Variants in TANC2 observed in about 807,000 individuals in gnomAD.
TANC2 encodes the protein tetratricopeptide repeat, ankyrin repeat and coiled-coil containing 2, also known as protein TANC2.
TANC2 carries 26 observed loss-of-function variants against 210.5 expected under a neutral mutation model. The ratio of observed to expected loss-of-function variants is 0.12; its 90% CI spans 0.09 to 0.17. The LOEUF is 0.17. TANC2 is among the 10% of genes least tolerant of loss of function. The probability of loss-of-function intolerance (pLI) is 1.00; values close to 1 mark genes in which losing one functional copy is unlikely to be tolerated. For missense variants in TANC2, 2,129 were observed against 2,608.9 expected (o/e 0.82, Z 4.01); for synonymous variants, 931 against 967.1 (o/e 0.96, Z 0.69).
In TANC2 at chr17:62,972,047, T is replaced by C. The variant is rs1568285468; in HGVS notation, c.-24+5298T>C. 2.0e-5 allele frequency among the ~76,000 whole-genome samples: 3 copies of C among 152,206 alleles called. No homozygotes were observed. The South Asian group carries it at 6.2e-4, about 32-fold the overall frequency. ...GAACAGGAACTTTGGGTCTGAGTTT[T>C]AGAAGGCTAAAGCAGGTTACGCAAT... On this transcript the variant is annotated intron_variant, in intron 1 of 27. Transcript: ENST00000689528.
chr17:63,061,833 C>T (rs1369560242), intron 2 of TANC2, among the ~76,000 whole-genome samples: 2 of 151,976 alleles, frequency 1.3e-5, no homozygotes, highest in Non-Finnish European at 2.9e-5. Context: ...AAAAACTTTC[C>T]TCCCTTTAAC....
chr17:62,970,163 G>A (rs950121087), intron 1 of TANC2, among the ~76,000 whole-genome samples: 1 of 152,046 alleles, frequency 6.6e-6, no homozygotes, highest in African/African-American at 2.4e-5. Context: ...TCCTTATTGT[G>A]CTGCGAATTG....
chr17:63,018,122 T>C (rs1317890061), intron 2 of TANC2, among the ~76,000 whole-genome samples: 1 of 151,986 alleles, frequency 6.6e-6, no homozygotes, highest in Non-Finnish European at 1.5e-5. Context: ...AGCAAGACCC[T>C]GTCTATGAAA....
At chr17:63,119,141 A>G (rs1259107791) in intron 4 of TANC2, among the ~76,000 whole-genome samples, 1 of 152,030 alleles carries the variant, frequency 6.6e-6, no homozygotes, top group African/African-American at 2.4e-5. Flanking sequence ...GCCTAGGCTG[A>G]TCTCAAACTT....
intron 4 of TANC2, among the ~76,000 whole-genome samples, chr17:63,106,654 G>A (rs2037835572): frequency 6.6e-6 from 1 of 151,670 alleles, no homozygotes; most frequent in South Asian, 2.1e-4. Context: ...TAAGGGGTGA[G>A]CCTTTGCCAC....
At chr17:63,222,654 AC>A (rs1166432193) in intron 7 of TANC2, among the ~76,000 whole-genome samples, 7 of 152,270 alleles carry the variant, frequency 4.6e-5, no homozygotes, top group African/African-American at 1.7e-4. Context: ...ATTTGTCAAA[AC>A]TGCATTTTTT....
At chr17:63,394,958 T>C (rs2048106330) in intron 17 of TANC2, among the ~76,000 whole-genome samples, 1 of 152,208 alleles carries the variant, frequency 6.6e-6, no homozygotes, top group African/African-American at 2.4e-5. Context: ...TGGATGGAAC[T>C]GAAATCAGTA....
intron 4 of TANC2, 36 bp from the exon 5 acceptor site, chr17:63,151,234 G>T: frequency 5.5e-6 from 5 of 910,686 alleles, no homozygotes; most frequent in Non-Finnish European, 6.6e-6. Flanking sequence ...TGCTCTCTCT[G>T]TCTCTTGCTT....
intron 9 of TANC2, among the ~76,000 whole-genome samples, chr17:63,285,786 T>C (rs1482710061): frequency 6.6e-6 from 1 of 152,164 alleles, no homozygotes; most frequent in Non-Finnish European, 1.5e-5. Flanking sequence ...TATTGGCGTG[T>C]GGTCATACAG....
Position 63,418,486 on chromosome 17 carries a change from G to A in TANC2, c.4268+79G>A. The A allele has an allele frequency of 7.8e-7, 1 of 1,277,988 alleles. No individual in the cohort carries two copies. The allele number at this position is 1,277,988 out of a possible 1,614,324, so 79.2% of individuals were successfully genotyped here. ...CCAAGGCAGCGTCGGCCACCCTGGG[G>A]CATATGTACCCAAATACATCTCTGT... is the stretch of plus-strand genomic sequence containing the variant. On this transcript the variant is annotated intron_variant, in intron 27 of 27. Coordinates refer to ENST00000689528, the Ensembl canonical transcript of TANC2. The surrounding 1 kb of genome is among the most constrained non-coding windows in gnomAD (Gnocchi z 4.6).
rs150765717 is a variant in TANC2, at chr17:63,162,271, T to C, written c.433+10891T>C. 2.3e-3 allele frequency among the ~76,000 whole-genome samples: 354 copies of C among 151,002 alleles called. 2 individuals are homozygous for C. The highest frequency in any genetic ancestry group is 8.3e-3 in the African/African-American group (338 of 40,946). ...GTGAAGTATGATTGTGTCACTGCAT[T>C]ACAGCCTGGGTGAAGAACAAGACCC... On this transcript the variant is annotated intron_variant, in intron 5 of 27. Transcript: ENST00000689528.
At chr17:63,180,593 C>T (rs2040747251) in intron 5 of TANC2, among the ~76,000 whole-genome samples, 1 of 152,152 alleles carries the variant, frequency 6.6e-6, no homozygotes, top group South Asian at 2.1e-4. Flanking sequence ...AATCCATTAC[C>T]CTCAATGCAA....
At chr17:63,314,101 T>A (rs2045226842) in intron 9 of TANC2, among the ~76,000 whole-genome samples, 1 of 152,244 alleles carries the variant, frequency 6.6e-6, no homozygotes, top group Non-Finnish European at 1.5e-5. Flanking sequence ...GGGCCATCCC[T>A]TCCCTGTAAT....
intron 1 of TANC2, among the ~76,000 whole-genome samples, chr17:62,994,218 G>T (rs530357641): frequency 6.6e-6 from 1 of 151,740 alleles, no homozygotes; most frequent in South Asian, 2.1e-4. Context: ...CTGCCACCCA[G>T]GCTGGAGTGC....
intron 5 of TANC2, among the ~76,000 whole-genome samples, chr17:63,173,371 A>G (rs775737739): frequency 1.3e-5 from 2 of 152,212 alleles, no homozygotes; most frequent in Non-Finnish European, 2.9e-5. Flanking sequence ...AGACAGTCCA[A>G]GAAGATAACA....
intron 7 of TANC2, among the ~76,000 whole-genome samples, chr17:63,220,713 A>ATATATATATATATATATAT (rs1302451440): frequency 1.1e-4 from 15 of 140,560 alleles, no homozygotes; most frequent in Non-Finnish European, 1.7e-4. Context: ...CAAAAAAAAA[A>ATATATATATATATATATAT]AAAAAAATAT....
At chr17:63,229,832 T>C (rs888769584) in intron 7 of TANC2, among the ~76,000 whole-genome samples, 1 of 151,272 alleles carries the variant, frequency 6.6e-6, no homozygotes, top group African/African-American at 2.4e-5. Flanking sequence ...TGTATTGGTG[T>C]GATCTCAGCT....
intron 7 of TANC2, among the ~76,000 whole-genome samples, chr17:63,206,003 C>T (rs1323776532): frequency 6.6e-6 from 1 of 152,130 alleles, no homozygotes; most frequent in African/African-American, 2.4e-5. Flanking sequence ...ACCCCTACAA[C>T]TCAACAACAA....
At chr17:62,998,309 A>G (rs1568305656) in intron 1 of TANC2, among the ~76,000 whole-genome samples, 2 of 152,320 alleles carry the variant, frequency 1.3e-5, no homozygotes. Context: ...TCCCTGAAAA[A>G]GAGGGAGAGA....
Sources: gnomAD v4.1 joint callset for allele counts (sites outside exome capture counted in the v4.1 genomes callset) on GRCh38, gnomAD v4.1.1 for gene constraint, Gnocchi (gnomAD v3.1) non-coding constraint, MANE v1.5 for transcripts, NCBI Gene and HGNC (gene_info 2026-07-23, HGNC 2026-07-21) for gene names.